TENM2: variants seen among roughly 807,000 people sequenced by gnomAD.
The protein encoded by TENM2 is teneurin transmembrane protein 2.
In TENM2, 52 loss-of-function variants were observed where a neutral mutation model predicts 245.2. The observed-to-expected ratio is 0.21, with a 90% CI of 0.17 to 0.27. The LOEUF (loss-of-function observed/expected upper bound fraction) is 0.27. Ranked by LOEUF, TENM2 falls within the 10% of genes least tolerant of loss-of-function variation. TENM2 has a pLI of 1.00. For missense variants in TENM2, 3,046 were observed against 3,666.8 expected, an observed-to-expected ratio of 0.83 and a Z score of 4.37; for synonymous variants, 1,363 against 1,438.9, an observed-to-expected ratio of 0.95 and a Z score of 1.19.
intron 2 of TENM2, among the ~76,000 whole-genome samples, chr5:167,700,079 A>G (rs943890669): frequency 1.3e-5 from 2 of 152,150 alleles, no homozygotes; most frequent in Non-Finnish European, 2.9e-5. Flanking sequence ...CAGACATGCC[A>G]TATCATAGAA....
intron 1 of TENM2, among the ~76,000 whole-genome samples, chr5:167,326,569 AG>A (rs1279265571): frequency 6.6e-6 from 1 of 151,848 alleles, no homozygotes; most frequent in Non-Finnish European, 1.5e-5. Flanking sequence ...GCTACTCGGG[AG>A]GCTGAGGCAG....
intron 2 of TENM2, among the ~76,000 whole-genome samples, chr5:167,572,652 CT>C (rs1774349796): frequency 1.3e-5 from 2 of 152,190 alleles, no homozygotes; most frequent in Admixed American, 6.5e-5. Context: ...GGGAATTTAA[CT>C]GTGTAATCCT....
intron 22 of TENM2, among the ~76,000 whole-genome samples, 198 bp from the exon 25 acceptor site, chr5:168,217,927 A>G (rs1253021943): frequency 6.6e-6 from 1 of 152,224 alleles, no homozygotes; most frequent in East Asian, 1.9e-4. Context: ...GAAAATATAT[A>G]TTATATTATC....
rs572615494 is a variant in TENM2, at chr5:167,566,597, C to G, written c.502+191124C>G. ...GTTCCTGTAAAAATAAAACCTGTAG[C>G]AGTGAATGCGTTTTTCTGATGAATA... On this transcript the variant is annotated intron_variant, in intron 2 of 28. Coordinates refer to ENST00000518659, the Ensembl canonical transcript of TENM2. Among the ~76,000 whole-genome samples the G allele has an allele frequency of 4.0e-3, 607 of 152,264 alleles. 1 individual carries two copies. The highest frequency in any genetic ancestry group is 0.014 in the African/African-American group (566 of 41,548).
At chr5:167,690,101 CT>C (rs370994752) in intron 2 of TENM2, among the ~76,000 whole-genome samples, 4,377 of 119,800 alleles carry the variant, frequency 0.037, 68 homozygotes, top group Non-Finnish European at 0.041. Context: ...AAAAAACACA[CT>C]TTTTTTTTTT....
At chr5:167,536,553 A>G (rs1485523656) in intron 2 of TENM2, among the ~76,000 whole-genome samples, 1 of 152,192 alleles carries the variant, frequency 6.6e-6, no homozygotes. Flanking sequence ...ATCATGTACT[A>G]TAGTTTTCTC....
the TENM2 span, among the ~76,000 whole-genome samples, chr5:167,107,302 AAAAG>A: frequency 2.1e-4 from 32 of 151,542 alleles, no homozygotes; most frequent in Non-Finnish European, 4.1e-4. Context: ...GAAGGGAAGA[AAAAG>A]AAAGAGAGAA....
At chr5:167,881,962 A>G (rs1773916215) in intron 3 of TENM2, among the ~76,000 whole-genome samples, 1 of 152,110 alleles carries the variant, frequency 6.6e-6, no homozygotes, top group South Asian at 2.1e-4. Context: ...CATCATACCC[A>G]TTTTCTAGAT....
In TENM2 at chr5:167,518,932, G is replaced by A. The variant is rs185202244; in HGVS notation, c.502+143459G>A. On this transcript the variant is annotated intron_variant, in intron 2 of 28. Coordinates refer to ENST00000518659, the Ensembl canonical transcript of TENM2. ...TCCATAATGACTGTGTTTAGATTCA[G>A]TCTTGGAGAAGAGAAGTCATATGAC... Among the ~76,000 whole-genome samples, 6 of 152,222 alleles carry A rather than the reference G, an allele frequency of 3.9e-5. 1 individual carries two copies. Among genetic ancestry groups the A allele is most frequent in the Admixed American group, 3.9e-4 (6 of 15,276 alleles).
chr5:167,738,167 A>G (rs1013264649), intron 2 of TENM2, among the ~76,000 whole-genome samples: 1 of 152,252 alleles, frequency 6.6e-6, no homozygotes, highest in African/African-American at 2.4e-5. Context: ...CTCAGAAGAC[A>G]GGATGCTGTG....
chr5:167,862,671 AC>A (rs1771929058), intron 2 of TENM2, among the ~76,000 whole-genome samples: 2 of 152,200 alleles, frequency 1.3e-5, no homozygotes, highest in South Asian at 4.1e-4. Flanking sequence ...AGAGAAGAGT[AC>A]CTTGAAAGCA....
chr5:168,096,695 C>T (rs1296755392), intron 8 of TENM2, among the ~76,000 whole-genome samples: 1 of 152,204 alleles, frequency 6.6e-6, no homozygotes, highest in Non-Finnish European at 1.5e-5. Flanking sequence ...CCATTAGGAA[C>T]AATTAGACTT....
At chr5:167,980,463 C>T (rs952961746) in intron 4 of TENM2, among the ~76,000 whole-genome samples, 20 of 152,152 alleles carry the variant, frequency 1.3e-4, no homozygotes, top group African/African-American at 4.1e-4. Context: ...CTGAGGGAAA[C>T]ACAGTGTGAC....
At chr5:167,985,434 C>T (rs1163246385) in intron 4 of TENM2, among the ~76,000 whole-genome samples, 7 of 152,112 alleles carry the variant, frequency 4.6e-5, no homozygotes, top group African/African-American at 1.2e-4. Context: ...TTGCACACAG[C>T]GCTACGTTGA....
intron 5 of TENM2, among the ~76,000 whole-genome samples, chr5:167,994,759 C>T (rs1783927276): frequency 6.6e-6 from 1 of 152,122 alleles, no homozygotes; most frequent in Non-Finnish European, 1.5e-5. Context: ...GGAACTGAGG[C>T]CTGAGACCCA....
intron 2 of TENM2, among the ~76,000 whole-genome samples, chr5:167,827,249 C>T (rs1768044787): frequency 6.6e-6 from 1 of 152,206 alleles, no homozygotes; most frequent in Non-Finnish European, 1.5e-5. Context: ...TTAACACTCT[C>T]ATCTTCAGTG....
intron 1 of TENM2, among the ~76,000 whole-genome samples, chr5:167,340,624 C>T (rs1345189332): frequency 6.6e-6 from 1 of 152,230 alleles, no homozygotes; most frequent in African/African-American, 2.4e-5. Flanking sequence ...CTCCAATATA[C>T]TAGCACTGGA....
intron 5 of TENM2, among the ~76,000 whole-genome samples, chr5:167,995,554 G>A (rs11739793): frequency 7.2e-5 from 11 of 152,130 alleles, no homozygotes; most frequent in Non-Finnish European, 1.6e-4. Context: ...CCACTCTCCC[G>A]AGGTGACCGC....
the TENM2 span, among the ~76,000 whole-genome samples, chr5:166,981,601 G>A: frequency 6.6e-6 from 1 of 151,998 alleles, no homozygotes; most frequent in Admixed American, 6.6e-5. Flanking sequence ...CCAGGCTAAG[G>A]GCTTATTTTG....
Sources: allele counts gnomAD v4.1 joint callset (sites outside exome capture counted in the v4.1 genomes callset), GRCh38; gene constraint gnomAD v4.1.1; transcripts MANE v1.5; gene names NCBI Gene and HGNC (gene_info 2026-07-23, HGNC 2026-07-21).